IGFN1: variants seen among roughly 807,000 people sequenced by gnomAD.
IGFN1 encodes the protein immunoglobulin-like and fibronectin type III domain-containing protein 1.
In IGFN1, 253 loss-of-function variants were observed where a neutral mutation model predicts 289.5. The observed-to-expected ratio is 0.87, with a 90% CI of 0.79 to 0.97. The LOEUF (loss-of-function observed/expected upper bound fraction) is 0.97, where lower values mean the gene tolerates loss of function less well. Among genes scored for constraint, IGFN1 ranks in the 50% least tolerant of loss-of-function variants. The probability of loss-of-function intolerance (pLI) is 0.00; values close to 1 mark genes in which losing one functional copy is unlikely to be tolerated. For synonymous variants in IGFN1, 1,706 were observed against 1,788.5 expected (o/e 0.95, Z 1.16); for missense variants, 4,470 against 4,686.1 (o/e 0.95, Z 1.35).
At chr1:201,217,157 C>T (rs1653362144) in intron 16 of IGFN1, 130 bp from the exon 17 acceptor site, 3 of 799,464 alleles carry the variant, frequency 3.8e-6, no homozygotes, top group South Asian at 3.4e-5. Context: ...GCTGCCTCAG[C>T]CCCGACACTC....
intron 4 of IGFN1, among the ~76,000 whole-genome samples, chr1:201,196,247 C>T (rs889976305): frequency 3.3e-5 from 5 of 152,184 alleles, no homozygotes; most frequent in African/African-American, 1.2e-4. Context: ...AGTTACAATC[C>T]CAGGCCCACC....
rs1667448981 is a variant in IGFN1 at position 201,206,854 on chromosome 1, T to G, written c.1961T>G (p.Val654Gly). Residue 654 changes from valine to glycine, a missense_variant, in exon 12 of 24, where the codon GTG (valine) becomes GGG (glycine). By Grantham distance (109) the Val-to-Gly change is moderately radical (BLOSUM62 -3). This residue lies in a region of IGFN1 where 2,011 missense variants were observed against 1,953.4 expected (regional missense o/e 1.03). Transcript: ENST00000335211. Reference sequence around the variant, plus strand: ...AGGGAAAGGGGGAGAGGAATAGTAGTGTGGGGTGGTGGGACTGGCCTGGGA... The same window carrying G: ...AGGGAAAGGGGGAGAGGAATAGTAGGGTGGGGTGGTGGGACTGGCCTGGGA... ...PSRERGRGIV[V>G]WGGGTGLGEA... is the part of the protein sequence containing the mutation. The G allele has an allele frequency of 6.5e-7, 1 of 1,535,660 alleles. No individual in the cohort carries two copies. Among genetic ancestry groups the G allele is most frequent in the East Asian group, 2.4e-5 (1 of 40,864 alleles).
intron 20 of IGFN1, chr1:201,223,035 G>A (rs189437630): frequency 3.5e-4 from 144 of 410,206 alleles, no homozygotes; most frequent in African/African-American, 2.5e-3. Flanking sequence ...CTCACTTGGC[G>A]GCTGGGTGGC....
chr1:201,207,822 T>G lies in IGFN1; in HGVS notation c.2929T>G (p.Ser977Ala). 1 of 1,535,960 alleles carries G rather than the reference T, an allele frequency of 6.5e-7. No homozygotes were observed. Residue 977 changes from serine (S) to alanine (A), a missense_variant, in exon 12 of 24, where the codon TCA becomes GCA. Ser to Ala is a moderately conservative substitution (Grantham distance 99, BLOSUM62 1). This residue lies in a region of IGFN1 where 2,011 missense variants were observed against 1,953.4 expected (regional missense o/e 1.03). Coordinates refer to ENST00000335211, the MANE Select transcript of IGFN1 (RefSeq NM_001164586.2). ...AAGCGGGGCTGGTTATAGCTATGGC[T>G]CAGGGGTTCCAGGAGAAATGGGGTC... ...SKSGAGYSYG[S>A]GVPGEMGSGH... is the part of the protein sequence containing the mutation.
chr1:201,206,755 G>A lies in IGFN1; in HGVS notation c.1862G>A (p.Trp621Ter). 2.0e-6 allele frequency: 3 copies of A among 1,536,888 alleles called. No homozygotes were observed. The highest frequency in any genetic ancestry group is 1.2e-5 in the South Asian group (1 of 84,048). Reference sequence around the variant, plus strand: ...TGCCAGTCTGATCCTGTAGGGTCCTGGCCAAGAGGAAAGCAGATAGAGATT... The same window carrying A: ...TGCCAGTCTGATCCTGTAGGGTCCTAGCCAAGAGGAAAGCAGATAGAGATT... ...QGCQSDPVGS[W>*]PRGKQIEISQ... is the part of the protein sequence containing the mutation. Residue 621 changes from tryptophan to a stop codon, truncating the protein, a stop_gained, in exon 12 of 24, where the codon TGG (tryptophan) becomes TAG (stop). Transcript: ENST00000335211. LOFTEE classifies it high-confidence loss of function.
chr1:201,201,859 G>A (rs752948772), intron 9 of IGFN1, 27 bp downstream of exon 9: 2 of 963,372 alleles, frequency 2.1e-6, no homozygotes, highest in South Asian at 1.4e-5. Flanking sequence ...TATGGGTGGG[G>A]GGGATCTGGC....
chr1:201,201,905 G>A, intron 9 of IGFN1, 73 bp downstream of exon 9: 1 of 757,966 alleles, frequency 1.3e-6, no homozygotes, highest in East Asian at 2.7e-5. Context: ...GGGAACTATG[G>A]GTACCCTGCA....
rs1355729708 is a variant in IGFN1, at chr1:201,227,193, A to G, written c.11098A>G (p.Thr3700Ala). ...NTLGQAVSTA[T>A]LIVIEPST is the part of the protein sequence containing the mutation. ...GCTGGGCCAGGCAGTCAGCACTGCC[A>G]CCCTCATTGTCATAGGTAATGGTGG... The change falls in exon 23 of 24, where the codon ACC (threonine) becomes GCC (alanine). Residue 3700 changes from threonine to alanine, a missense_variant. This residue lies in a region of IGFN1 where 2,218 missense variants were observed against 2,114.1 expected (regional missense o/e 1.05). Coordinates refer to ENST00000335211, the MANE Select transcript of IGFN1 (RefSeq NM_001164586.2). 1.9e-6 allele frequency: 3 copies of G among 1,594,022 alleles called. No individual in the cohort carries two copies. The highest frequency in any genetic ancestry group is 2.6e-6 in the Non-Finnish European group (3 of 1,170,030).
At position 201,216,304 on chromosome 1, in the gene IGFN1, C is replaced by T. The variant is rs899717960; in HGVS notation, c.9296-150C>T. On this transcript the variant is annotated intron_variant, in intron 15 of 23. Transcript: ENST00000335211. The stretch of plus-strand genomic sequence containing the variant: ...CCCTCTGGGTAATGCCCAAGGCTCT[C>T]TGGACAGTCTGCCCCATTGCAGGCT... 2.8e-5 allele frequency: 18 copies of T among 642,052 alleles called. No individual in the cohort carries two copies. The African/African-American group carries it at 3.4e-4, about 12-fold the overall frequency. 39.8% of individuals were successfully genotyped at this position (642,052 alleles called of 1,614,324 possible).
At chr1:201,219,974 TC>T (rs1196768332) in intron 18 of IGFN1, among the ~76,000 whole-genome samples, 12 of 139,060 alleles carry the variant, frequency 8.6e-5, no homozygotes, top group East Asian at 2.3e-4. Context: ...TCTCTTTCTT[TC>T]TTTTTTCTGT....
rs1666898780 is a variant in IGFN1 at position 201,195,935 on chromosome 1, A to G, written c.224A>G (p.Tyr75Cys). ...SKGDLSDSSK[Y>C]KISSSPGSKE... ...GGTGACCTCAGTGATTCCAGCAAGT[A>G]CAAGATCTCCTCCAGCCCTGGCAGC... Residue 75 changes from tyrosine to cysteine, a missense_variant, in exon 4 of 24, where the codon TAC becomes TGC. Tyr to Cys is a radical substitution (Grantham distance 194). Around this residue, in one of 8 missense-constraint regions of IGFN1, gnomAD observed 2,011 missense variants for 1,953.4 expected, o/e 1.03. Transcript: ENST00000335211. The G allele has an allele frequency of 1.9e-6, 3 of 1,551,846 alleles. No individual in the cohort carries two copies. In the African/African-American group the frequency reaches 4.1e-5, roughly 21 times the overall value.
intron 4 of IGFN1, among the ~76,000 whole-genome samples, chr1:201,196,835 T>C (rs1456264839): frequency 6.6e-6 from 1 of 152,196 alleles, no homozygotes; most frequent in Non-Finnish European, 1.5e-5. Flanking sequence ...TTAATTCTAA[T>C]TATTCACCAC....
chr1:201,218,716 C>T (rs191554593), intron 18 of IGFN1, 58 bp downstream of exon 18: 119 of 1,533,526 alleles, frequency 7.8e-5, no homozygotes, highest in Admixed American at 1.6e-4. Flanking sequence ...AGCCCTGAAG[C>T]TGGGTGGGAC....
rs1340109739 is a variant in IGFN1, at chr1:201,212,415, G to C, written c.7522G>C (p.Ala2508Pro). 5 of 1,536,936 alleles carry C rather than the reference G, an allele frequency of 3.3e-6. No individual in the cohort carries two copies. The highest frequency in any genetic ancestry group is 2.0e-5 in the Admixed American group (1 of 50,962). ...GTPGSSRDRG[A>P]PRVKDRSPDQ... ...TCCAGGGTCTTCTAGAGACAGAGGG[G>C]CTCCCAGGGTGAAGGATAGGTCTCC... Residue 2508 changes from alanine (A) to proline (P), a missense_variant, in exon 12 of 24, where the codon GCT (alanine) becomes CCT (proline). Transcript: ENST00000335211.
At position 201,209,152 on chromosome 1, in the gene IGFN1, TG is replaced by T; in HGVS notation, c.4263del (p.Ser1422GlnfsTer25). 6.6e-7 allele frequency: 1 copy of T among 1,506,132 alleles called. No individual in the cohort carries two copies. Among genetic ancestry groups the T allele is most frequent in the Non-Finnish European group, 8.8e-7 (1 of 1,136,110 alleles). The allele number at this position is 1,506,132 out of a possible 1,614,324, so 93.3% of individuals were successfully genotyped here. Reference sequence around the variant, plus strand: ...AATGGGATTGGAGGTTATGGGGAAATGGGGTCAGGTTATAGGGAGGATTTGG... The same window carrying T: ...AATGGGATTGGAGGTTATGGGGAAATGGGTCAGGTTATAGGGAGGATTTGG... The part of the protein sequence containing the change: ...HRNGIGGYGE[M>X]GSGYREDLGA... On this transcript the variant is annotated frameshift_variant, in exon 12 of 24. Coordinates refer to ENST00000335211, the MANE Select transcript of IGFN1 (RefSeq NM_001164586.2). LOFTEE classifies it high-confidence loss of function.
Position 201,209,666 on chromosome 1 carries a change from T to C in IGFN1, c.4773T>C (p.Ser1591=). 6.5e-7 allele frequency: 1 copy of C among 1,536,330 alleles called. No homozygotes were observed. The highest frequency in any genetic ancestry group is 8.7e-7 in the Non-Finnish European group (1 of 1,146,308). Residue 1591 remains serine (S), a synonymous_variant, in exon 12 of 24, where the codon TCT becomes TCC. Coordinates refer to ENST00000335211, the MANE Select transcript of IGFN1 (RefSeq NM_001164586.2). ...GTTTTAGGGATGGTTTAGGAGGTTC[T>C]GGAGAAATGGGGTCAGTGAATGAAG... ...KASFRDGLGG[S]GEMGSVNEAG...
In IGFN1 at chr1:201,211,229, T is replaced by C; in HGVS notation, c.6336T>C (p.Ala2112=). ...CAGGTTATAGGAAGGATTTGGGGGCTCCTGAGGGAATAGGTTCAGGAAGTA... is the reference window on the plus strand; with the variant it reads ...CAGGTTATAGGAAGGATTTGGGGGCCCCTGAGGGAATAGGTTCAGGAAGTA... The part of the protein sequence containing the change: ...DEAGYRKDLG[A]PEGIGSGSKA... The change falls in exon 12 of 24, where the codon GCT becomes GCC. Residue 2112 remains alanine, a synonymous_variant. Transcript: ENST00000335211. 2 of 1,531,764 alleles carry C rather than the reference T, an allele frequency of 1.3e-6. No individual in the cohort carries two copies. Among genetic ancestry groups the C allele is most frequent in the Non-Finnish European group, 1.7e-6 (2 of 1,144,934 alleles). The allele number at this position is 1,531,764 out of a possible 1,614,324, so 94.9% of individuals were successfully genotyped here.
rs199966486 is a variant in IGFN1, at chr1:201,205,275, G to A, written c.1110G>A (p.Arg370=). The A allele has an allele frequency of 1.1e-4, 178 of 1,550,804 alleles. No individual in the cohort carries two copies. Among genetic ancestry groups the A allele is most frequent in the Non-Finnish European group, 1.5e-4 (173 of 1,146,954 alleles). The change falls in exon 11 of 24, where the codon AGG becomes AGA. Residue 370 remains arginine (R), a synonymous_variant. Transcript: ENST00000335211. The part of the protein sequence containing the change: ...PDGLTHRLVV[R]GARFSDMGPY... ...GGCTGACCCACCGGCTGGTGGTGAG[G>A]GGGGCACGTTTCTCAGACATGGGCC...
intron 19 of IGFN1, 98 bp downstream of exon 19, chr1:201,221,844 C>T: frequency 9.6e-7 from 1 of 1,042,170 alleles, no homozygotes; most frequent in African/African-American, 1.6e-5. Context: ...CCAGGATCCC[C>T]ACCCTCAGTT....
Sources: gnomAD v4.1 joint callset for allele counts (sites outside exome capture counted in the v4.1 genomes callset) on GRCh38, gnomAD v4.1.1 for gene constraint, gnomAD v4.1.1 regional missense constraint, MANE v1.5 for transcripts, NCBI Gene and HGNC (gene_info 2026-07-23, HGNC 2026-07-21) for gene names.